JOSD2: variants seen among roughly 807,000 people sequenced by gnomAD.
The protein encoded by JOSD2 is Josephin domain containing 2.
In JOSD2, 20 loss-of-function variants were observed where a neutral mutation model predicts 19.3. The ratio of observed to expected loss-of-function variants is 1.04; its 90% confidence interval spans 0.73 to 1.51. The LOEUF is 1.51. Among genes scored for constraint, JOSD2 ranks in the 40% most tolerant of loss-of-function variants. The pLI is 0.00. For missense variants in JOSD2, 215 were observed against 250.4 expected (o/e 0.86, Z 0.95); for synonymous variants, 118 against 123.7 (o/e 0.95, Z 0.31).
rs1979719077 is a variant in JOSD2, at chr19:50,510,426, G to A, written c.6C>T (p.Ser2=). The A allele has an allele frequency of 1.9e-6, 3 of 1,607,674 alleles. No homozygotes were observed. The highest frequency in any genetic ancestry group is 2.5e-6 in the Non-Finnish European group (3 of 1,176,648). M[S]QAPGAQPSPP... ...GGCTCGGCTGTGCTCCCGGGGCCTGGGACATGCCGTCCTCGGCTCCTGCTG... is the reference window on the plus strand; with the variant it reads ...GGCTCGGCTGTGCTCCCGGGGCCTGAGACATGCCGTCCTCGGCTCCTGCTG... The change falls in exon 2 of 5, where the codon TCC becomes TCT. Residue 2 remains serine (S), a synonymous_variant. Transcript: ENST00000598418.
intron 2 of JOSD2, among the ~76,000 whole-genome samples, chr19:50,508,733 G>GTT (rs1979543151): frequency 6.6e-6 from 1 of 150,480 alleles, no homozygotes; most frequent in African/African-American, 2.5e-5. Context: ...GTGTGTGTGT[G>GTT]TGTGTGTTTC....
intron 2 of JOSD2, among the ~76,000 whole-genome samples, chr19:50,509,277 G>A (rs1223790030): frequency 6.6e-6 from 1 of 151,882 alleles, no homozygotes; most frequent in Non-Finnish European, 1.5e-5. Context: ...TTTTTTAGTA[G>A]AGACGGGGTT....
intron 2 of JOSD2, among the ~76,000 whole-genome samples, chr19:50,509,017 G>A (rs982250061): frequency 6.6e-6 from 1 of 151,958 alleles, no homozygotes; most frequent in African/African-American, 2.4e-5. Context: ...GAGGCCATGG[G>A]CAGGCTGGGC....
intron 1 of JOSD2, 111 bp downstream of exon 1, chr19:50,511,006 C>T (rs1370776672): frequency 2.3e-6 from 1 of 434,052 alleles, no homozygotes; most frequent in South Asian, 1.6e-5. Flanking sequence ...AGGAGTTCCT[C>T]TTCCTATCAC....
In JOSD2 at chr19:50,510,368, C is replaced by G; in HGVS notation, c.64G>C (p.Glu22Gln). Residue 22 changes from glutamate to glutamine, a missense_variant, in exon 2 of 5, where the codon GAG (glutamate) becomes CAG (glutamine). Coordinates refer to ENST00000598418, the MANE Select transcript of JOSD2 (RefSeq NM_001270639.2). The stretch of plus-strand genomic sequence containing the variant: ...TTGAGGGCGTGGACAGCACACAGCT[C>G]CAGGCGCTGCCGTTCGTGGTACACG... ...PTVYHERQRL[E>Q]LCAVHALNNV... 5.0e-6 allele frequency: 8 copies of G among 1,613,480 alleles called. No homozygotes were observed. Among genetic ancestry groups the G allele is most frequent in the Non-Finnish European group, 6.8e-6 (8 of 1,179,972 alleles).
chr19:50,510,900 T>C (rs1979788579), intron 1 of JOSD2, among the ~76,000 whole-genome samples: 1 of 151,976 alleles, frequency 6.6e-6, no homozygotes, highest in Admixed American at 6.5e-5. Flanking sequence ...TCTGGTCTCC[T>C]AGCAACAGAA....
rs146644363 is a variant in JOSD2 at position 50,510,355 on chromosome 19, A to T, written c.77T>A (p.Val26Asp). 1.2e-6 allele frequency: 2 copies of T among 1,613,554 alleles called. No homozygotes were observed. The highest frequency in any genetic ancestry group is 2.2e-5 in the South Asian group (2 of 91,090). Residue 26 changes from valine (V) to aspartate (D), a missense_variant, in exon 2 of 5, where the codon GTC becomes GAC. By Grantham distance (152) the Val-to-Asp change is radical. Transcript: ENST00000598418. ...HERQRLELCA[V>D]HALNNVLQQQ... The stretch of plus-strand genomic sequence containing the variant: ...CTGCAGAACGTTGTTGAGGGCGTGG[A>T]CAGCACACAGCTCCAGGCGCTGCCG...
rs1601346832 is a variant in JOSD2, at chr19:50,506,494, C to G, written c.351G>C (p.Leu117=). ...AGTGCCGCCGGCGCAGCGGCAGTGA[C>G]AGCAGCCCCAGCGACACGGGCGAGG... ...NLPSPVSLGL[L]SLPLRRRHWV... The change falls in exon 4 of 5, where the codon CTG becomes CTC. Residue 117 remains leucine (L), a synonymous_variant. Coordinates refer to ENST00000598418, the MANE Select transcript of JOSD2 (RefSeq NM_001270639.2). 1.3e-6 allele frequency: 2 copies of G among 1,562,386 alleles called. No homozygotes were observed. Among genetic ancestry groups the G allele is most frequent in the Non-Finnish European group, 1.7e-6 (2 of 1,154,376 alleles).
At chr19:50,506,598 C>T in intron 3 of JOSD2, 26 bp from the exon 4 acceptor site, 1 of 1,478,474 alleles carries the variant, frequency 6.8e-7, no homozygotes, top group Non-Finnish European at 9.0e-7. Context: ...GGGGACACTG[C>T]CATCAGGGCC....
chr19:50,506,930 C>T (rs1398308537), intron 3 of JOSD2, among the ~76,000 whole-genome samples: 5 of 151,166 alleles, frequency 3.3e-5, no homozygotes, highest in African/African-American at 4.9e-5. Flanking sequence ...ATGCATGATC[C>T]GCCCACCCCA....
Position 50,506,587 on chromosome 19 carries a change from AG to A in JOSD2, c.273-16del. ...GGGACAGGGGCCTGTGTGGGCAGGG[AG>A]GGGACACTGCCATCAGGGCCTGCTC... On this transcript the variant is annotated splice_polypyrimidine_tract_variant and intron_variant, in intron 3 of 4. Transcript: ENST00000598418. 1 of 1,499,038 alleles carries A rather than the reference AG, an allele frequency of 6.7e-7. No homozygotes were observed. The highest frequency in any genetic ancestry group is 8.9e-7 in the Non-Finnish European group (1 of 1,120,824). The allele number at this position is 1,499,038 out of a possible 1,614,324, so 92.9% of individuals were successfully genotyped here. A position where few individuals can be genotyped will look rare whatever the true frequency, so the allele number is the denominator to read the frequency against.
intron 2 of JOSD2, 164 bp downstream of exon 2, chr19:50,510,122 G>A: frequency 1.4e-6 from 1 of 705,332 alleles, no homozygotes; most frequent in Non-Finnish European, 2.3e-6. Flanking sequence ...GGACAGACAG[G>A]CACAGGAGGC....
At chr19:50,510,155 G>A (rs1258973854) in intron 2 of JOSD2, 131 bp downstream of exon 2, 6 of 1,085,612 alleles carry the variant, frequency 5.5e-6, no homozygotes, top group Non-Finnish European at 7.9e-6. Flanking sequence ...GAGTCCCAGC[G>A]TCTAGCTTAG....
intron 1 of JOSD2, among the ~76,000 whole-genome samples, chr19:50,510,835 C>T (rs145936199): frequency 2.6e-5 from 4 of 151,968 alleles, no homozygotes; most frequent in African/African-American, 9.7e-5. Flanking sequence ...GTCTGTCCTC[C>T]GAGCACCTAG....
chr19:50,506,262 C>T lies in JOSD2; in HGVS notation c.478G>A (p.Ala160Thr). 6.2e-7 allele frequency: 1 copy of T among 1,612,622 alleles called. No individual in the cohort carries two copies. Among genetic ancestry groups the T allele is most frequent in the Non-Finnish European group, 8.5e-7 (1 of 1,179,778 alleles). The change falls in exon 5 of 5, where the codon GCG becomes ACG. Residue 160 changes from alanine to threonine, a missense_variant. Physicochemically the swap from Ala to Thr is moderately conservative, Grantham distance 58. Transcript: ENST00000598418. Reference sequence around the variant, plus strand: ...CACAGGCCCTGGGCCAGCGCAGCCGCCAGGAAGGCCCTGGGTGGGAGAAAT... The same window carrying T: ...CACAGGCCCTGGGCCAGCGCAGCCGTCAGGAAGGCCCTGGGTGGGAGAAAT... ...GDEDGVRAFL[A>T]AALAQGLCEV...
intron 2 of JOSD2, chr19:50,510,063 A>AAAAGAAAAG: frequency 2.2e-6 from 1 of 460,358 alleles, no homozygotes; most frequent in African/African-American, 2.1e-5. Context: ...AAAAAAAAAA[A>AAAAGAAAAG]AAAAGAAAGA....
chr19:50,509,282 G>A (rs548397815), intron 2 of JOSD2, among the ~76,000 whole-genome samples: 38 of 151,820 alleles, frequency 2.5e-4, no homozygotes, highest in Middle Eastern at 3.2e-3. Flanking sequence ...TAGTAGAGAC[G>A]GGGTTTCGCC....
At chr19:50,510,623 CCCTTATT>C (rs1185916934) in intron 1 of JOSD2, among the ~76,000 whole-genome samples, 175 bp from the exon 2 acceptor site, 1 of 152,108 alleles carries the variant, frequency 6.6e-6, no homozygotes, top group East Asian at 1.9e-4. Flanking sequence ...GTCCCTCCAT[CCCTTATT>C]CCTATTCCTA....
chr19:50,508,475 A>T (rs1187882705), intron 2 of JOSD2, among the ~76,000 whole-genome samples: 1 of 151,582 alleles, frequency 6.6e-6, no homozygotes, highest in Non-Finnish European at 1.5e-5. Flanking sequence ...TGGTGGCCTC[A>T]CCTCAGAGCC....
Sources: allele counts gnomAD v4.1 joint callset (sites outside exome capture counted in the v4.1 genomes callset), GRCh38; gene constraint gnomAD v4.1.1; transcripts MANE v1.5; gene names NCBI Gene and HGNC (gene_info 2026-07-23, HGNC 2026-07-21).